GRIP1: variants seen among roughly 807,000 people sequenced by gnomAD.
GRIP1 encodes glutamate receptor interacting protein 1.
GRIP1 carries 45 observed loss-of-function variants against 129.9 expected under a neutral mutation model. The ratio of observed to expected loss-of-function variants is 0.35; its 90% CI spans 0.27 to 0.44. The LOEUF (loss-of-function observed/expected upper bound fraction) is 0.44. Ranked by LOEUF, GRIP1 falls within the 20% of genes least tolerant of loss-of-function variation. GRIP1 has a pLI of 1.00. For synonymous variants in GRIP1, 530 were observed against 520.8 expected, an observed-to-expected ratio of 1.02 and a Z score of -0.24; for missense variants, 1,196 against 1,396.8, an observed-to-expected ratio of 0.86 and a Z score of 2.29.
intron 19 of GRIP1, 26 bp from the exon 20 acceptor site, chr12:66,379,462 T>A: frequency 6.2e-7 from 1 of 1,612,314 alleles, no homozygotes; most frequent in East Asian, 2.2e-5. Context: ...GGTGTTAGCA[T>A]TGGGCCCAAG....
intron 1 of GRIP1, among the ~76,000 whole-genome samples, chr12:66,885,550 G>C (rs1197142234): frequency 6.6e-6 from 1 of 151,950 alleles, no homozygotes; most frequent in African/African-American, 2.4e-5. Context: ...AGTCAGCAGA[G>C]ACAGGCCTAT....
At chr12:66,920,589 T>C (rs1207099945) in intron 1 of GRIP1, among the ~76,000 whole-genome samples, 1 of 152,194 alleles carries the variant, frequency 6.6e-6, no homozygotes, top group African/African-American at 2.4e-5. Context: ...AGGGGACCTT[T>C]TGATGTCTGA....
At chr12:66,448,705 T>C (rs971391326) in intron 11 of GRIP1, among the ~76,000 whole-genome samples, 1 of 152,202 alleles carries the variant, frequency 6.6e-6, no homozygotes, top group Non-Finnish European at 1.5e-5. Context: ...CCCTTTCTTA[T>C]TGCCACTACT....
At chr12:66,782,360 G>T (rs1269973921) in intron 1 of GRIP1, among the ~76,000 whole-genome samples, 1 of 152,092 alleles carries the variant, frequency 6.6e-6, no homozygotes, top group Non-Finnish European at 1.5e-5. Flanking sequence ...AGTAGCAAGT[G>T]GTTGTTAATT....
intron 1 of GRIP1, among the ~76,000 whole-genome samples, chr12:66,940,029 T>C (rs963202367): frequency 6.6e-6 from 1 of 152,174 alleles, no homozygotes; most frequent in African/African-American, 2.4e-5. Flanking sequence ...AAAGGTATAA[T>C]ATGAAACAGC....
intron 1 of GRIP1, among the ~76,000 whole-genome samples, chr12:67,010,735 C>T (rs1046687552): frequency 1.4e-5 from 2 of 141,436 alleles, no homozygotes; most frequent in Non-Finnish European, 1.6e-5. Flanking sequence ...GTGCAGAAAG[C>T]GGGGACACCG....
At chr12:66,886,001 G>A (rs552012069) in intron 1 of GRIP1, among the ~76,000 whole-genome samples, 10 of 152,292 alleles carry the variant, frequency 6.6e-5, no homozygotes, top group African/African-American at 1.9e-4. Flanking sequence ...AGTGGTTCAC[G>A]CCTGTAATCC....
At chr12:66,692,816 G>T (rs568558849) in intron 1 of GRIP1, among the ~76,000 whole-genome samples, 10 of 152,258 alleles carry the variant, frequency 6.6e-5, no homozygotes, top group African/African-American at 2.4e-4. Context: ...TTTGAATCTA[G>T]GAAATGAGCT....
At chr12:66,704,405 T>C (rs1400271032) in intron 1 of GRIP1, among the ~76,000 whole-genome samples, 2 of 151,882 alleles carry the variant, frequency 1.3e-5, no homozygotes, top group Admixed American at 1.3e-4. Flanking sequence ...TATTATTCTA[T>C]AAAGAACACA....
chr12:67,040,797 GCT>G (rs1354940555), intron 1 of GRIP1, among the ~76,000 whole-genome samples: 5 of 152,190 alleles, frequency 3.3e-5, no homozygotes, highest in African/African-American at 1.2e-4. Context: ...GTCATGGTTA[GCT>G]CTGAGTCAAT....
chr12:66,699,904 G>A (rs1019747471), intron 1 of GRIP1, among the ~76,000 whole-genome samples: 1 of 152,132 alleles, frequency 6.6e-6, no homozygotes, highest in Non-Finnish European at 1.5e-5. Context: ...AGGAGTACCA[G>A]CTCCCAAAGA....
intron 1 of GRIP1, among the ~76,000 whole-genome samples, chr12:66,794,474 T>G (rs1269842924): frequency 6.6e-6 from 1 of 152,100 alleles, no homozygotes; most frequent in Middle Eastern, 3.2e-3. Flanking sequence ...GGGCTAACCC[T>G]TGGGAGAGTG....
chr12:66,612,939 G>A (rs926073791), intron 1 of GRIP1, among the ~76,000 whole-genome samples: 2 of 152,032 alleles, frequency 1.3e-5, no homozygotes, highest in Admixed American at 6.6e-5. Context: ...TTCAATTACC[G>A]GGGAAAGACA....
intron 2 of GRIP1, among the ~76,000 whole-genome samples, chr12:66,577,022 C>T (rs1183139650): frequency 3.3e-5 from 5 of 152,262 alleles, no homozygotes; most frequent in East Asian, 1.9e-4. Flanking sequence ...AGACCAGCAG[C>T]GTGGCAAAGT....
At chr12:66,349,395 C>CA in intron 24 of GRIP1, 149 bp from the exon 25 acceptor site, 2 of 708,424 alleles carry the variant, frequency 2.8e-6, no homozygotes, top group Non-Finnish European at 5.2e-6. Context: ...TATGCTGTGA[C>CA]ATGGCTACTG....
In GRIP1 at chr12:66,550,153, C is replaced by T. The variant is rs1000415835; in HGVS notation, c.137-8203G>A. On this transcript the variant is annotated intron_variant, in intron 2 of 24. Transcript: ENST00000359742. ...TCAGTTATTTAATTGTCAAAATTTG[C>T]TATTAAGCTTTCCAATGTCAAACTT... Among the ~76,000 whole-genome samples, 5 of 152,264 alleles carry T rather than the reference C, an allele frequency of 3.3e-5. No homozygotes were observed. In the South Asian group the frequency reaches 6.2e-4, roughly 19 times the overall value.
intron 1 of GRIP1, among the ~76,000 whole-genome samples, chr12:66,938,789 T>A (rs2041532931): frequency 6.6e-6 from 1 of 152,002 alleles, no homozygotes; most frequent in East Asian, 1.9e-4. Context: ...AAACCCCATC[T>A]CCACTAAAAA....
chr12:66,911,606 C>T (rs1315949544), intron 1 of GRIP1, among the ~76,000 whole-genome samples: 1 of 152,096 alleles, frequency 6.6e-6, no homozygotes, highest in Admixed American at 6.6e-5. Context: ...ATTGTAAGAG[C>T]AGTTCCTGGT....
intron 1 of GRIP1, among the ~76,000 whole-genome samples, chr12:66,660,305 T>C (rs2033421087): frequency 6.6e-6 from 1 of 152,042 alleles, no homozygotes; most frequent in Admixed American, 6.6e-5. Context: ...ATTATAATAA[T>C]GCACCTACGT....
Sources: gnomAD v4.1 joint callset for allele counts (sites outside exome capture counted in the v4.1 genomes callset) on GRCh38, gnomAD v4.1.1 for gene constraint, MANE v1.5 for transcripts, NCBI Gene and HGNC (gene_info 2026-07-23, HGNC 2026-07-21) for gene names.